The following SLC38A12 variants were observed in gnomAD, a reference collection of about 807,000 sequenced individuals.
The protein encoded by SLC38A12 is putative sodium-coupled neutral amino acid transporter 12.
chr17:74,788,896 G>T, the SLC38A12 span: 1 of 1,604,608 alleles, frequency 6.2e-7, no homozygotes, highest in Non-Finnish European at 8.5e-7. Flanking sequence ...TCGTCTCCGG[G>T]CCATGCCTCT....
the SLC38A12 span, among the ~76,000 whole-genome samples, chr17:74,805,657 C>G: frequency 1.3e-5 from 2 of 152,156 alleles, no homozygotes; most frequent in Non-Finnish European, 2.9e-5. The surrounding 1 kb of genome is among the most constrained non-coding windows in gnomAD (Gnocchi z 5.0). Context: ...CAAGGCCAGA[C>G]GTCAGCAGAA....
the SLC38A12 span, chr17:74,838,198 G>C: frequency 1.0e-6 from 1 of 985,646 alleles, no homozygotes; most frequent in Non-Finnish European, 1.2e-6. Context: ...TCTCTGTGCC[G>C]TCGCACCTCA....
the SLC38A12 span, among the ~76,000 whole-genome samples, chr17:74,795,894 A>T: frequency 6.6e-6 from 1 of 152,330 alleles, no homozygotes; most frequent in African/African-American, 2.4e-5. Flanking sequence ...CAGATTCAGG[A>T]CCGTGACTGT....
chr17:74,793,097 T>C, the SLC38A12 span, among the ~76,000 whole-genome samples: 5 of 152,384 alleles, frequency 3.3e-5, no homozygotes, highest in East Asian at 3.9e-4. Context: ...GACTAGACTC[T>C]TAATTTGCCC....
the SLC38A12 span, among the ~76,000 whole-genome samples, chr17:74,787,403 A>G: frequency 4.0e-5 from 6 of 150,420 alleles, no homozygotes; most frequent in Admixed American, 6.6e-5. Flanking sequence ...CAGGTGGATC[A>G]TGAGGTCAGG....
chr17:74,825,173 G>A, the SLC38A12 span, among the ~76,000 whole-genome samples: 1 of 152,198 alleles, frequency 6.6e-6, no homozygotes, highest in Non-Finnish European at 1.5e-5. Context: ...ACAGCCTCAT[G>A]TGCCAGCACC....
chr17:74,785,189 A>G, the SLC38A12 span, among the ~76,000 whole-genome samples: 1 of 152,326 alleles, frequency 6.6e-6, no homozygotes, highest in East Asian at 1.9e-4. Context: ...GAGCGCTAGC[A>G]TCTGCGATGC....
chr17:74,807,437 G>A, the SLC38A12 span, among the ~76,000 whole-genome samples: 2 of 152,234 alleles, frequency 1.3e-5, no homozygotes, highest in East Asian at 3.9e-4. Context: ...TGCTGGGCCT[G>A]TGGCGGGGCT....
chr17:74,802,131 C>G, the SLC38A12 span, among the ~76,000 whole-genome samples: 91 of 152,298 alleles, frequency 6.0e-4, no homozygotes, highest in Non-Finnish European at 1.0e-3. Context: ...CCTCCTCCAC[C>G]CTCATCCCCA....
At chr17:74,784,967 A>T in the SLC38A12 span, among the ~76,000 whole-genome samples, 1 of 27,892 alleles carries the variant, frequency 3.6e-5, no homozygotes, top group East Asian at 5.4e-4. Context: ...CTTTTTTTTT[A>T]AAAACCCTGA....
chr17:74,836,359 G>A, the SLC38A12 span: 1 of 1,612,586 alleles, frequency 6.2e-7, no homozygotes, highest in Non-Finnish European at 8.5e-7. This position sits in a 1 kb window ranked among gnomAD's most constrained non-coding sequence, Gnocchi z 4.2. Flanking sequence ...CACCGCGAGG[G>A]CGGCACGTAC....
At chr17:74,784,607 G>T in the SLC38A12 span, among the ~76,000 whole-genome samples, 1 of 152,194 alleles carries the variant, frequency 6.6e-6, no homozygotes, top group Non-Finnish European at 1.5e-5. Context: ...GTGGGCTTCT[G>T]GGAGGGAGGA....
At chr17:74,782,235 T>C in the SLC38A12 span, among the ~76,000 whole-genome samples, 1 of 152,268 alleles carries the variant, frequency 6.6e-6, no homozygotes, top group Middle Eastern at 3.4e-3. Flanking sequence ...GCCCGGCTAA[T>C]TTTTTGTATT....
At chr17:74,789,940 C>CTTTTTTGT in the SLC38A12 span, among the ~76,000 whole-genome samples, 3 of 108,958 alleles carry the variant, frequency 2.8e-5, no homozygotes, top group Non-Finnish European at 5.8e-5. Context: ...TTCTCTCTTT[C>CTTTTTTGT]TTTTTTGTTT....
the SLC38A12 span, among the ~76,000 whole-genome samples, chr17:74,786,916 C>G: frequency 9.9e-5 from 15 of 152,158 alleles, no homozygotes; most frequent in Admixed American, 3.3e-4. Context: ...AGTGATCATT[C>G]TGGGCTCCCA....
chr17:74,839,259 A>G, the SLC38A12 span: 1 of 1,296,160 alleles, frequency 7.7e-7, no homozygotes, highest in South Asian at 1.5e-5. Context: ...CCCTAGCCAC[A>G]CAGCTGTCCT....
the SLC38A12 span, chr17:74,838,939 C>T: frequency 6.5e-7 from 1 of 1,535,768 alleles, no homozygotes; most frequent in Non-Finnish European, 8.7e-7. Context: ...CCAGCCCAGC[C>T]TGGCCCAGGA....
At chr17:74,826,127 A>G in the SLC38A12 span, among the ~76,000 whole-genome samples, 1 of 152,178 alleles carries the variant, frequency 6.6e-6, no homozygotes, top group Non-Finnish European at 1.5e-5. Flanking sequence ...ATGATTGCAC[A>G]CTGAGCTTGC....
At chr17:74,835,052 G>A in the SLC38A12 span, among the ~76,000 whole-genome samples, 33 of 152,358 alleles carry the variant, frequency 2.2e-4, no homozygotes, top group African/African-American at 6.3e-4. Context: ...GGCAGCCCAG[G>A]AGGAGGGTCA....
Sources: allele counts gnomAD v4.1 joint callset (sites outside exome capture counted in the v4.1 genomes callset), GRCh38; gene constraint gnomAD v4.1.1; non-coding constraint Gnocchi (gnomAD v3.1); transcripts MANE v1.5; gene names NCBI Gene and HGNC (gene_info 2026-07-23, HGNC 2026-07-21).